TYW1B: variants seen among roughly 807,000 people sequenced by gnomAD.
TYW1B encodes the protein S-adenosyl-L-methionine-dependent tRNA 4-demethylwyosine synthase TYW1B.
In TYW1B, 73 loss-of-function variants were observed where a neutral mutation model predicts 86.9. That is an observed-to-expected ratio of 0.84 (90% CI 0.70 to 1.02). TYW1B has a LOEUF of 1.02. TYW1B is among the 50% of genes least tolerant of loss of function. The probability of loss-of-function intolerance (pLI) is 0.00; values close to 1 mark genes in which losing one functional copy is unlikely to be tolerated. For missense variants in TYW1B, 637 were observed against 827.4 expected (o/e 0.77, Z 2.82); for synonymous variants, 248 against 292.8 (o/e 0.85, Z 1.56).
rs139601012 is a variant in TYW1B, at chr7:72,678,883, G to A, written c.1506+15804C>T. 3.4e-3 allele frequency among the ~76,000 whole-genome samples: 513 copies of A among 151,870 alleles called. 1 individual carries two copies. The highest frequency in any genetic ancestry group is 4.9e-3 in the Admixed American group (74 of 15,236). ...AAGCCAAGGTAGGAGGATCACTTGA[G>A]GCCAGGAGTTTAAGACAAGCTGGGC... On this transcript the variant is annotated intron_variant, in intron 11 of 13. Coordinates refer to ENST00000620995, the MANE Select transcript of TYW1B (RefSeq NM_001145440.3).
intron 9 of TYW1B, among the ~76,000 whole-genome samples, chr7:72,721,623 TGCACACACACACAC>T (rs1462320879): frequency 5.3e-5 from 8 of 150,912 alleles, no homozygotes; most frequent in East Asian, 3.9e-4. Flanking sequence ...CACACACACA[TGCACACACACACAC>T]GCACACACAC....
chr7:72,704,426 T>C (rs1554453264), intron 10 of TYW1B, among the ~76,000 whole-genome samples: 1 of 120,100 alleles, frequency 8.3e-6, no homozygotes, highest in East Asian at 2.2e-4. Context: ...AGAATGAGAT[T>C]CTATCTTAAA....
rs782796093 is a variant in TYW1B at position 72,815,402 on chromosome 7, G to A, written c.215C>T (p.Pro72Leu). The change falls in exon 3 of 14, where the codon CCA becomes CTA. Residue 72 changes from proline (P) to leucine (L), a missense_variant. Coordinates refer to ENST00000620995, the MANE Select transcript of TYW1B (RefSeq NM_001145440.3). ...VAIINLKEYDPDDHLIEEVTS... is the reference protein window; with the variant it reads ...VAIINLKEYDLDDHLIEEVTS... ...AACCTCTTCTATCAGATGATCATCT[G>A]GATCATATTCTTTTAGATTAATAAT... The A allele has an allele frequency of 2.5e-6, 4 of 1,604,882 alleles. No individual in the cohort carries two copies. The highest frequency in any genetic ancestry group is 2.2e-5 in the East Asian group (1 of 44,624).
At chr7:72,724,856 C>T (rs1283687214) in intron 9 of TYW1B, among the ~76,000 whole-genome samples, 1 of 152,136 alleles carries the variant, frequency 6.6e-6, no homozygotes. Context: ...TCATTCCTTC[C>T]GTCTTATGCA....
intron 7 of TYW1B, among the ~76,000 whole-genome samples, chr7:72,767,546 C>G (rs1787792026): frequency 1.3e-5 from 2 of 151,858 alleles, no homozygotes; most frequent in African/African-American, 4.8e-5. Context: ...GGAGGCGGAG[C>G]CTGCAGTAAG....
At chr7:72,800,143 C>T (rs797033205) in intron 6 of TYW1B, among the ~76,000 whole-genome samples, 15 of 152,040 alleles carry the variant, frequency 9.9e-5, no homozygotes, top group South Asian at 2.1e-4. Flanking sequence ...GCATTTAGCT[C>T]GCTCATCCAT....
intron 6 of TYW1B, among the ~76,000 whole-genome samples, chr7:72,784,945 T>C (rs1788103135): frequency 6.6e-6 from 1 of 151,632 alleles, no homozygotes; most frequent in African/African-American, 2.4e-5. Context: ...GCCTCTAGGA[T>C]CCTACCCCAT....
In TYW1B at chr7:72,707,116, C is replaced by T. The variant is rs554827955; in HGVS notation, c.1370+6505G>A. Among the ~76,000 whole-genome samples, 5 of 152,340 alleles carry T rather than the reference C, an allele frequency of 3.3e-5. No individual in the cohort carries two copies. The South Asian group carries it at 1.0e-3, about 32-fold the overall frequency. On this transcript the variant is annotated intron_variant, in intron 10 of 13. Transcript: ENST00000620995. ...CTCCTCCTGTCCCAGTACCCAAGTG[C>T]CCCTGCCCTGTAGATCTGAGTGCCT...
chr7:72,582,931 G>A (rs1811191350), intron 13 of TYW1B, among the ~76,000 whole-genome samples: 2 of 152,236 alleles, frequency 1.3e-5, no homozygotes, highest in African/African-American at 2.4e-5. Context: ...CAGTGTTCAC[G>A]TGGTTATAAT....
intron 5 of TYW1B, among the ~76,000 whole-genome samples, chr7:72,805,913 G>C (rs1161927793): frequency 1.3e-5 from 2 of 152,254 alleles, no homozygotes; most frequent in East Asian, 3.9e-4. Context: ...AAAGATAACA[G>C]CTGTGAAGAT....
At chr7:72,638,863 A>G (rs1386370396) in intron 11 of TYW1B, among the ~76,000 whole-genome samples, 1 of 152,246 alleles carries the variant, frequency 6.6e-6, no homozygotes, top group Non-Finnish European at 1.5e-5. Context: ...AACTGAATAT[A>G]TCGTCAATCG....
At chr7:72,774,291 A>G (rs189379538) in intron 7 of TYW1B, among the ~76,000 whole-genome samples, 1 of 150,088 alleles carries the variant, frequency 6.7e-6, no homozygotes, top group Non-Finnish European at 1.5e-5. Context: ...TTAGCCCTAT[A>G]CTGAGCCGGC....
chr7:72,611,430 C>T (rs1811929425), intron 13 of TYW1B, among the ~76,000 whole-genome samples: 1 of 151,998 alleles, frequency 6.6e-6, no homozygotes, highest in Admixed American at 6.6e-5. Context: ...GGGTGGTTTC[C>T]CCCATGCTGT....
intron 7 of TYW1B, among the ~76,000 whole-genome samples, chr7:72,753,239 A>G (rs1787530756): frequency 6.6e-6 from 1 of 152,176 alleles, no homozygotes; most frequent in South Asian, 2.1e-4. Flanking sequence ...TCAGGGAAGT[A>G]TTAGTATTAT....
intron 13 of TYW1B, among the ~76,000 whole-genome samples, chr7:72,578,712 C>T (rs1442301016): frequency 2.0e-5 from 3 of 152,138 alleles, no homozygotes; most frequent in African/African-American, 7.2e-5. Context: ...CAGTTACATA[C>T]ATTTAGAAAA....
At chr7:72,798,772 A>C (rs1788353593) in intron 6 of TYW1B, among the ~76,000 whole-genome samples, 1 of 152,234 alleles carries the variant, frequency 6.6e-6, no homozygotes, top group Non-Finnish European at 1.5e-5. Flanking sequence ...AGCCTCGCCT[A>C]ACTGAGTATG....
At chr7:72,707,434 A>T (rs1420059748) in intron 10 of TYW1B, among the ~76,000 whole-genome samples, 2 of 150,290 alleles carry the variant, frequency 1.3e-5, no homozygotes, top group East Asian at 3.8e-4. Flanking sequence ...AATGATTGTT[A>T]GTTAGTTTGA....
chr7:72,809,476 G>C (rs1554477482), intron 4 of TYW1B, among the ~76,000 whole-genome samples: 1 of 151,956 alleles, frequency 6.6e-6, no homozygotes, highest in East Asian at 1.9e-4. Context: ...AACACAGTGA[G>C]ACCCTCATCT....
chr7:72,711,640 T>C (rs1469687402), intron 10 of TYW1B, among the ~76,000 whole-genome samples: 1 of 151,086 alleles, frequency 6.6e-6, no homozygotes, highest in Non-Finnish European at 1.5e-5. Context: ...TGGCTTATTA[T>C]TATTATTATT....
Sources: allele counts gnomAD v4.1 joint callset (sites outside exome capture counted in the v4.1 genomes callset), GRCh38; gene constraint gnomAD v4.1.1; transcripts MANE v1.5; gene names NCBI Gene and HGNC (gene_info 2026-07-23, HGNC 2026-07-21).